The following CCDC152 variants were observed in gnomAD, a reference collection of about 807,000 sequenced individuals.
CCDC152 encodes the protein coiled-coil domain containing 152, also known as coiled-coil domain-containing protein 152.
A neutral mutation model predicts 38.1 loss-of-function variants in CCDC152; 37 were observed. The ratio of observed to expected loss-of-function variants is 0.97; its 90% CI spans 0.75 to 1.28. The LOEUF (loss-of-function observed/expected upper bound fraction) is 1.28. CCDC152 is among the 50% of genes most tolerant of loss of function. The probability of loss-of-function intolerance (pLI) is 0.00; values close to 1 mark genes in which losing one functional copy is unlikely to be tolerated. For missense variants in CCDC152, 259 were observed against 292.1 expected, an observed-to-expected ratio of 0.89 and a Z score of 0.83; for synonymous variants, 83 against 87.1, an observed-to-expected ratio of 0.95 and a Z score of 0.26.
At chr5:42,784,525 C>T (rs913265331) in intron 6 of CCDC152, among the ~76,000 whole-genome samples, 1 of 151,912 alleles carries the variant, frequency 6.6e-6, no homozygotes, top group Non-Finnish European at 1.5e-5. Context: ...GGTGGATATA[C>T]GGCTTGCAAA....
intron 2 of CCDC152, among the ~76,000 whole-genome samples, chr5:42,759,565 A>C (rs1162897223): frequency 6.6e-6 from 1 of 152,238 alleles, no homozygotes; most frequent in East Asian, 1.9e-4. Context: ...GGAAATTCCC[A>C]AAATAAACAA....
chr5:42,777,647 C>G (rs545940330), intron 4 of CCDC152, among the ~76,000 whole-genome samples: 27 of 152,288 alleles, frequency 1.8e-4, no homozygotes, highest in African/African-American at 6.3e-4. Flanking sequence ...AAGTGTAACA[C>G]TTTTCCTATC....
Position 42,796,863 on chromosome 5 carries a change from A to G in CCDC152, c.465A>G (p.Ile155Met), listed in dbSNP as rs2111602264. ...ELNEEKHKEL[I>M]EKKEMEISEL... ...ATGAAGAAAAGCACAAAGAACTAAT[A>G]GAGAAAAAGGAGATGGAAATTTCAG... Residue 155 changes from isoleucine to methionine, a missense_variant, in exon 7 of 9, where the codon ATA becomes ATG. Transcript: ENST00000361970. 6.6e-7 allele frequency: 1 copy of G among 1,519,218 alleles called. No homozygotes were observed. Among genetic ancestry groups the G allele is most frequent in the East Asian group, 2.5e-5 (1 of 39,894 alleles). 94.1% of individuals were successfully genotyped at this position (1,519,218 alleles called of 1,614,324 possible).
intron 3 of CCDC152, among the ~76,000 whole-genome samples, chr5:42,764,457 C>T (rs540811339): frequency 2.0e-4 from 30 of 152,202 alleles, no homozygotes; most frequent in African/African-American, 7.0e-4. Flanking sequence ...ATACCAAAAT[C>T]AGACAAAGAC....
At chr5:42,767,821 T>A (rs545627969) in intron 3 of CCDC152, among the ~76,000 whole-genome samples, 1 of 152,248 alleles carries the variant, frequency 6.6e-6, no homozygotes, top group Admixed American at 6.5e-5. Flanking sequence ...GATTCATTAT[T>A]CTAAAAGGCA....
At chr5:42,763,675 T>C (rs1205675198) in intron 3 of CCDC152, among the ~76,000 whole-genome samples, 3 of 152,156 alleles carry the variant, frequency 2.0e-5, no homozygotes, top group South Asian at 2.1e-4. Flanking sequence ...ATGAAATAAA[T>C]ATCAGAAAAA....
At chr5:42,768,263 T>C (rs1759651670) in intron 3 of CCDC152, among the ~76,000 whole-genome samples, 1 of 152,226 alleles carries the variant, frequency 6.6e-6, no homozygotes, top group Non-Finnish European at 1.5e-5. Flanking sequence ...ACTTACCCCT[T>C]ATCTGCTTCA....
At chr5:42,778,838 C>T (rs1759802651) in intron 4 of CCDC152, among the ~76,000 whole-genome samples, 2 of 152,170 alleles carry the variant, frequency 1.3e-5, no homozygotes, top group South Asian at 4.1e-4. Context: ...CATTATTTCA[C>T]TTCTGCACTA....
intron 6 of CCDC152, among the ~76,000 whole-genome samples, chr5:42,785,353 A>G (rs1210328081): frequency 2.6e-5 from 4 of 151,844 alleles, no homozygotes; most frequent in Non-Finnish European, 5.9e-5. Flanking sequence ...TTGTGTGTGT[A>G]TGGTAATTGT....
At chr5:42,780,326 G>A (rs537261633) in intron 5 of CCDC152, among the ~76,000 whole-genome samples, 3 of 152,180 alleles carry the variant, frequency 2.0e-5, no homozygotes, top group Non-Finnish European at 4.4e-5. Context: ...TAGCATTCTG[G>A]CTATGCTCTT....
At chr5:42,773,036 G>A (rs1759721961) in intron 4 of CCDC152, among the ~76,000 whole-genome samples, 1 of 152,148 alleles carries the variant, frequency 6.6e-6, no homozygotes, top group Non-Finnish European at 1.5e-5. Context: ...TGTTCTTCTG[G>A]TTGTTATAAG....
chr5:42,788,064 T>C (rs1759946379), intron 6 of CCDC152, among the ~76,000 whole-genome samples: 1 of 152,244 alleles, frequency 6.6e-6, no homozygotes, highest in African/African-American at 2.4e-5. Context: ...GCTTTTATGA[T>C]AGCAAGTATT....
At position 42,801,508 on chromosome 5, in the gene CCDC152, T is replaced by C. The variant is rs1385327386; in HGVS notation, c.*1727T>C. ...TAGTCTCAACACCTAGACATTTTAT[T>C]AAAGGCTTAAAAAGAAAGCCAAACC... On this transcript the variant is annotated 3_prime_UTR_variant, in exon 9 of 9. Coordinates refer to ENST00000361970, the MANE Select transcript of CCDC152 (RefSeq NM_001134848.2). 7 of 541,318 alleles carry C rather than the reference T, an allele frequency of 1.3e-5. No individual in the cohort carries two copies. The East Asian group carries it at 2.1e-4, about 16-fold the overall frequency. The allele number at this position is 541,318 out of a possible 1,614,324, so 33.5% of individuals were successfully genotyped here.
intron 2 of CCDC152, among the ~76,000 whole-genome samples, chr5:42,760,358 T>A (rs1385996756): frequency 6.6e-6 from 1 of 152,174 alleles, no homozygotes; most frequent in Non-Finnish European, 1.5e-5. Flanking sequence ...CAGGAATGGT[T>A]TTAGTAAACA....
chr5:42,765,731 T>G (rs768067593), intron 3 of CCDC152, among the ~76,000 whole-genome samples: 5 of 152,128 alleles, frequency 3.3e-5, no homozygotes, highest in Non-Finnish European at 7.4e-5. Flanking sequence ...GAAACTAGAT[T>G]CCTGTCTCTC....
At chr5:42,777,224 C>T (rs775934266) in intron 4 of CCDC152, among the ~76,000 whole-genome samples, 1 of 151,948 alleles carries the variant, frequency 6.6e-6, no homozygotes, top group Non-Finnish European at 1.5e-5. Context: ...GAAAGGACAT[C>T]ACTACAAATG....
At chr5:42,790,222 A>T (rs539082141) in intron 6 of CCDC152, among the ~76,000 whole-genome samples, 12 of 152,238 alleles carry the variant, frequency 7.9e-5, no homozygotes, top group Admixed American at 1.3e-4. Context: ...TGTAAATCCC[A>T]GCACTTTGGG....
rs1339373609 is a variant in CCDC152 at position 42,801,575 on chromosome 5, A to G, written c.*1794A>G. On this transcript the variant is annotated 3_prime_UTR_variant, in exon 9 of 9. Transcript: ENST00000361970. ...CAGAAGCAAATGAAGTAAACTGGCA[A>G]AAGGAACTTGGATTGCAGGAAAGTC... is the stretch of plus-strand genomic sequence containing the variant. 3.5e-5 allele frequency: 16 copies of G among 459,052 alleles called. No individual in the cohort carries two copies. Among genetic ancestry groups the G allele is most frequent in the Non-Finnish European group, 6.0e-5 (16 of 264,682 alleles). 28.4% of individuals were successfully genotyped at this position (459,052 alleles called of 1,614,324 possible). A position where few individuals can be genotyped will look rare whatever the true frequency, so the allele number is the denominator to read the frequency against.
At chr5:42,794,030 A>G (rs1056111616) in intron 6 of CCDC152, among the ~76,000 whole-genome samples, 1 of 152,240 alleles carries the variant, frequency 6.6e-6, no homozygotes, top group Non-Finnish European at 1.5e-5. Flanking sequence ...AGCCAATTAG[A>G]TACACTGGAG....
Sources: allele counts gnomAD v4.1 joint callset (sites outside exome capture counted in the v4.1 genomes callset), GRCh38; gene constraint gnomAD v4.1.1; transcripts MANE v1.5; gene names NCBI Gene and HGNC (gene_info 2026-07-23, HGNC 2026-07-21).